Variants in TNR observed in about 807,000 individuals in gnomAD.
TNR encodes tenascin R.
TNR carries 45 observed loss-of-function variants against 150.4 expected under a neutral mutation model. The observed-to-expected ratio is 0.30, with a 90% confidence interval of 0.24 to 0.38. The LOEUF (loss-of-function observed/expected upper bound fraction) is 0.38, where lower values mean the gene tolerates loss of function less well. TNR is among the 10% of genes least tolerant of loss of function. TNR has a pLI of 1.00. For synonymous variants in TNR, 687 were observed against 678.4 expected (o/e 1.01, Z -0.20); for missense variants, 1,544 against 1,759.1 (o/e 0.88, Z 2.19).
chr1:175,556,796 A>T (rs960990488), intron 1 of TNR: 2 of 152,496 alleles, frequency 1.3e-5, no homozygotes, highest in Non-Finnish European at 2.9e-5. Context: ...ACAAACTCAG[A>T]AATGGTCCCC....
chr1:175,735,270 CCT>C (rs1254089903), intron 1 of TNR, among the ~76,000 whole-genome samples: 1 of 152,168 alleles, frequency 6.6e-6, no homozygotes, highest in Non-Finnish European at 1.5e-5. Flanking sequence ...CTGCCTGTGC[CCT>C]GTCACCCCTG....
intron 1 of TNR, among the ~76,000 whole-genome samples, chr1:175,733,294 C>T (rs971787980): frequency 6.6e-6 from 1 of 152,160 alleles, no homozygotes; most frequent in African/African-American, 2.4e-5. Flanking sequence ...GCCCACAGGA[C>T]CCCCCTCCCA....
intron 1 of TNR, among the ~76,000 whole-genome samples, chr1:175,558,495 A>G (rs1661282105): frequency 6.6e-6 from 1 of 152,160 alleles, no homozygotes; most frequent in Non-Finnish European, 1.5e-5. Context: ...AACTTTTCCA[A>G]AATGAGTGCA....
intron 2 of TNR, among the ~76,000 whole-genome samples, chr1:175,480,415 AGAAAAAAG>A (rs976424127): frequency 1.0e-5 from 1 of 97,650 alleles, no homozygotes; most frequent in African/African-American, 3.4e-5. Flanking sequence ...AAAGAAAGAA[AGAAAAAAG>A]AAAGAAAGAA....
In TNR at chr1:175,711,199, G is replaced by C. The variant is rs112268592; in HGVS notation, c.-165+32027C>G. Among the ~76,000 whole-genome samples, 1,090 of 152,272 alleles carry C rather than the reference G, an allele frequency of 7.2e-3. 16 individuals are homozygous for C. The highest frequency in any genetic ancestry group is 0.025 in the African/African-American group (1,035 of 41,544). On this transcript the variant is annotated intron_variant, in intron 1 of 22. Transcript: ENST00000367674. ...GTGCTGTGTAGAAAGACAGAGCCAA[G>C]TAGGAGACTGGGAGTGCTGGGGGTG...
chr1:175,426,933 A>AT (rs1655011105), intron 2 of TNR, among the ~76,000 whole-genome samples: 1 of 89,502 alleles, frequency 1.1e-5, no homozygotes, highest in Non-Finnish European at 2.2e-5. Context: ...AAATATATAT[A>AT]AAATATATTA....
intron 2 of TNR, among the ~76,000 whole-genome samples, chr1:175,444,733 T>C (rs1018155759): frequency 1.3e-5 from 2 of 152,142 alleles, no homozygotes; most frequent in African/African-American, 2.4e-5. Flanking sequence ...TAAATTGTAA[T>C]TGATGACTTG....
intron 1 of TNR, among the ~76,000 whole-genome samples, chr1:175,604,780 C>T (rs1180060109): frequency 6.6e-6 from 1 of 152,122 alleles, no homozygotes; most frequent in East Asian, 1.9e-4. Flanking sequence ...TGCGACAGTC[C>T]CTGGGTCCCT....
chr1:175,725,483 A>G (rs1441548697), intron 1 of TNR, among the ~76,000 whole-genome samples: 1 of 152,208 alleles, frequency 6.6e-6, no homozygotes, highest in Non-Finnish European at 1.5e-5. Context: ...AAAATGACAA[A>G]TGTTCACAAA....
chr1:175,396,742 C>T lies in TNR; in HGVS notation c.1042G>A (p.Gly348Arg), dbSNP rs182253674. The change falls in exon 5 of 23, where the codon GGG becomes AGG. Residue 348 changes from glycine (G) to arginine (R), a missense_variant. Physicochemically the swap from Gly to Arg is moderately radical, Grantham distance 125. This residue lies in a region of TNR where 1,254 missense variants were observed against 1,329.4 expected (regional missense o/e 0.94). Coordinates refer to ENST00000367674, the MANE Select transcript of TNR (RefSeq NM_003285.3). Reference sequence around the variant, plus strand: ...ACATATTCCGTCACTGCCATCGGCCCGTCCCATTCCAGCTCAATGGACCTG... The same window carrying T: ...ACATATTCCGTCACTGCCATCGGCCTGTCCCATTCCAGCTCAATGGACCTG... ...SDRSIELEWD[G>R]PMAVTEYVIS... The T allele has an allele frequency of 6.8e-5, 110 of 1,614,190 alleles. No homozygotes were observed. In the Middle Eastern group the frequency reaches 9.9e-4, roughly 15 times the overall value.
At chr1:175,474,702 G>C (rs1012397572) in intron 2 of TNR, among the ~76,000 whole-genome samples, 1 of 152,218 alleles carries the variant, frequency 6.6e-6, no homozygotes, top group Admixed American at 6.5e-5. Flanking sequence ...CTTGAAAATA[G>C]AGTGCTTTTA....
At chr1:175,695,840 C>T (rs1452394673) in intron 1 of TNR, among the ~76,000 whole-genome samples, 2 of 152,166 alleles carry the variant, frequency 1.3e-5, no homozygotes, top group Non-Finnish European at 2.9e-5. Flanking sequence ...CTATCTTCCT[C>T]ACTAGACTTC....
At chr1:175,650,608 C>A (rs1336821491) in intron 1 of TNR, among the ~76,000 whole-genome samples, 2 of 151,242 alleles carry the variant, frequency 1.3e-5, no homozygotes, top group Non-Finnish European at 3.0e-5. Context: ...ACTTTCCCTA[C>A]CTCCTTTCTC....
chr1:175,464,442 G>A (rs1234078649), intron 2 of TNR, among the ~76,000 whole-genome samples: 1 of 152,194 alleles, frequency 6.6e-6, no homozygotes, highest in East Asian at 1.9e-4. Context: ...ACGAGAAATT[G>A]GCCAAAGGGG....
At chr1:175,412,815 C>T (rs1242630838) in intron 2 of TNR, among the ~76,000 whole-genome samples, 1 of 152,190 alleles carries the variant, frequency 6.6e-6, no homozygotes, top group Non-Finnish European at 1.5e-5. Flanking sequence ...CTGAGCCCTG[C>T]TGAAGGGGGA....
chr1:175,718,588 C>A (rs899307901), intron 1 of TNR, among the ~76,000 whole-genome samples: 4 of 152,216 alleles, frequency 2.6e-5, no homozygotes, highest in Non-Finnish European at 5.9e-5. Flanking sequence ...TGTGGCAAAG[C>A]CACAGAGACT....
chr1:175,413,768 G>A (rs910581994), intron 2 of TNR, among the ~76,000 whole-genome samples: 3 of 152,206 alleles, frequency 2.0e-5, no homozygotes, highest in African/African-American at 7.2e-5. Context: ...GGCATTAGGA[G>A]GTAAGGGCTT....
intron 1 of TNR, among the ~76,000 whole-genome samples, chr1:175,620,163 C>G (rs1663920494): frequency 6.6e-6 from 1 of 152,190 alleles, no homozygotes; most frequent in African/African-American, 2.4e-5. Flanking sequence ...GAGGTAAATT[C>G]TGGCACAGAA....
intron 2 of TNR, among the ~76,000 whole-genome samples, chr1:175,413,768 G>GGTAA (rs1654315003): frequency 6.6e-6 from 1 of 152,206 alleles, no homozygotes; most frequent in African/African-American, 2.4e-5. Context: ...GGCATTAGGA[G>GGTAA]GTAAGGGCTT....
Sources: allele counts gnomAD v4.1 joint callset (sites outside exome capture counted in the v4.1 genomes callset), GRCh38; gene constraint gnomAD v4.1.1; regional missense constraint gnomAD v4.1.1; transcripts MANE v1.5; gene names NCBI Gene and HGNC (gene_info 2026-07-23, HGNC 2026-07-21).